DNAH6: variants seen among roughly 807,000 people sequenced by gnomAD.
The protein encoded by DNAH6 is axonemal beta dynein heavy chain 6.
In DNAH6, 340 loss-of-function variants were observed where a neutral mutation model predicts 491.4. That is an observed-to-expected ratio of 0.69 (90% CI 0.63 to 0.76). DNAH6 has a LOEUF of 0.76. Ranked by LOEUF, DNAH6 falls within the 30% of genes least tolerant of loss-of-function variation. DNAH6 has a pLI of 0.00. For missense variants in DNAH6, 4,443 were observed against 4,972.2 expected, an observed-to-expected ratio of 0.89 and a Z score of 3.20; for synonymous variants, 1,603 against 1,686.1, an observed-to-expected ratio of 0.95 and a Z score of 1.21.
chr2:84,497,278 T>C, the DNAH6 span, among the ~76,000 whole-genome samples: 11 of 152,236 alleles, frequency 7.2e-5, no homozygotes, highest in Non-Finnish European at 1.6e-4. Flanking sequence ...GTCACAACAA[T>C]ATGTACTCTT....
At chr2:84,605,063 G>T (rs114171342) in intron 19 of DNAH6, among the ~76,000 whole-genome samples, 4,307 of 152,084 alleles carry the variant, frequency 0.028, 213 homozygotes, top group African/African-American at 0.098. Context: ...ATTTTAAAGG[G>T]CAGGCCAGGC....
chr2:84,675,013 G>A (rs1693096922), intron 40 of DNAH6, among the ~76,000 whole-genome samples: 1 of 152,150 alleles, frequency 6.6e-6, no homozygotes, highest in Admixed American at 6.5e-5. Flanking sequence ...TTGTGATGGT[G>A]TCCTCTACCT....
At chr2:84,702,195 A>G (rs925016529) in intron 49 of DNAH6, among the ~76,000 whole-genome samples, 1 of 152,224 alleles carries the variant, frequency 6.6e-6, no homozygotes, top group Admixed American at 6.5e-5. Context: ...GCCTCTGGCT[A>G]TGCAACTTTG....
At chr2:84,632,579 C>T (rs1438694076) in intron 29 of DNAH6, among the ~76,000 whole-genome samples, 1 of 152,142 alleles carries the variant, frequency 6.6e-6, no homozygotes, top group Non-Finnish European at 1.5e-5. Context: ...TCCACGTATG[C>T]CAGGACTTAC....
intron 11 of DNAH6, 117 bp from the exon 12 acceptor site, chr2:84,573,350 A>G (rs915496282): frequency 1.3e-6 from 1 of 764,136 alleles, no homozygotes; most frequent in African/African-American, 1.8e-5. Flanking sequence ...CCCAAATCAA[A>G]ACATACTATT....
the DNAH6 span, among the ~76,000 whole-genome samples, chr2:84,476,193 T>G: frequency 6.6e-6 from 1 of 152,244 alleles, no homozygotes; most frequent in Non-Finnish European, 1.5e-5. Flanking sequence ...CCATATTGAC[T>G]AATGGCTTGA....
upstream of DNAH6, among the ~76,000 whole-genome samples, chr2:84,513,391 T>A (rs552695656): frequency 6.6e-6 from 1 of 152,328 alleles, no homozygotes; most frequent in Admixed American, 6.5e-5. Flanking sequence ...GACTGTATGC[T>A]TTGTCACATG....
In DNAH6 at chr2:84,795,320, TAATAAAATAA is replaced by T. The variant is rs574462878; in HGVS notation, c.11240-969_11240-960del. Among the ~76,000 whole-genome samples the T allele has an allele frequency of 1.4e-4, 22 of 151,980 alleles. No individual in the cohort carries two copies. In the East Asian group the frequency reaches 1.7e-3, roughly 12 times the overall value. On this transcript the variant is annotated intron_variant, in intron 68 of 76. Coordinates refer to ENST00000389394, the MANE Select transcript of DNAH6 (RefSeq NM_001370.2). ...TACCCTAAAACTTAAAGTGTAATAA[TAATAAAATAA>T]AATAAAATAAAATAAATTTAATCTG...
intron 56 of DNAH6, among the ~76,000 whole-genome samples, chr2:84,712,068 TC>T (rs1371813160): frequency 6.6e-6 from 1 of 152,156 alleles, no homozygotes; most frequent in Non-Finnish European, 1.5e-5. Context: ...CTCTGACCAG[TC>T]CTCCCCAACT....
intron 72 of DNAH6, among the ~76,000 whole-genome samples, chr2:84,810,654 A>G (rs972789169): frequency 5.3e-5 from 8 of 152,146 alleles, no homozygotes; most frequent in African/African-American, 1.7e-4. Flanking sequence ...AGGCAGTACT[A>G]TGGTGGCAAT....
the DNAH6 span, among the ~76,000 whole-genome samples, chr2:84,479,865 T>C: frequency 6.6e-6 from 1 of 152,234 alleles, no homozygotes; most frequent in African/African-American, 2.4e-5. Flanking sequence ...TTATGGAAGC[T>C]CTGGCTCAGG....
chr2:84,484,783 TA>T, the DNAH6 span, among the ~76,000 whole-genome samples: 1 of 152,202 alleles, frequency 6.6e-6, no homozygotes, highest in Non-Finnish European at 1.5e-5. Flanking sequence ...TTTCACCATG[TA>T]AGGCAGCATG....
chr2:84,575,306 G>A (rs1410022155), intron 12 of DNAH6, among the ~76,000 whole-genome samples: 1 of 152,094 alleles, frequency 6.6e-6, no homozygotes, highest in East Asian at 1.9e-4. Context: ...CAGCAGATAG[G>A]TTCTGGCTTC....
At chr2:84,777,591 T>C in intron 64 of DNAH6, 1 of 798,556 alleles carries the variant, frequency 1.3e-6, no homozygotes, top group South Asian at 1.3e-5. Context: ...TCTGTATCAG[T>C]CCCTAAATCT....
intron 10 of DNAH6, among the ~76,000 whole-genome samples, chr2:84,556,542 T>G (rs1228899756): frequency 6.6e-6 from 1 of 152,248 alleles, no homozygotes; most frequent in Non-Finnish European, 1.5e-5. Context: ...TCTCATTTTC[T>G]CTAATTAGAC....
upstream of DNAH6, among the ~76,000 whole-genome samples, chr2:84,514,147 T>C (rs1675442448): frequency 6.6e-6 from 1 of 152,252 alleles, no homozygotes; most frequent in Non-Finnish European, 1.5e-5. Flanking sequence ...TTTATTGCTC[T>C]GGTTTCATCT....
At chr2:84,637,493 A>C in intron 31 of DNAH6, 116 bp downstream of exon 31, 1 of 1,168,330 alleles carries the variant, frequency 8.6e-7, no homozygotes, top group African/African-American at 1.6e-5. Flanking sequence ...GTTACACATT[A>C]TTAAGTGTAG....
the DNAH6 span, among the ~76,000 whole-genome samples, chr2:84,511,084 A>G: frequency 6.6e-6 from 1 of 152,114 alleles, no homozygotes; most frequent in Non-Finnish European, 1.5e-5. Context: ...TGGGAGAACC[A>G]CTATTCTCTT....
intron 11 of DNAH6, among the ~76,000 whole-genome samples, chr2:84,570,573 G>A (rs1238520454): frequency 6.6e-6 from 1 of 152,114 alleles, no homozygotes; most frequent in Non-Finnish European, 1.5e-5. Context: ...CTAGCTAAAG[G>A]ATTATAAATG....
Sources: allele counts gnomAD v4.1 joint callset (sites outside exome capture counted in the v4.1 genomes callset), GRCh38; gene constraint gnomAD v4.1.1; transcripts MANE v1.5; gene names NCBI Gene and HGNC (gene_info 2026-07-23, HGNC 2026-07-21).